LOXHD1: variants seen among roughly 807,000 people sequenced by gnomAD.
LOXHD1 encodes the protein lipoxygenase homology PLAT domains 1, also known as lipoxygenase homology domain-containing protein 1.
Under a neutral mutation model 248.2 loss-of-function variants are expected in LOXHD1, and 205 were observed. That is an observed-to-expected ratio of 0.83 (90% CI 0.74 to 0.93). The LOEUF (loss-of-function observed/expected upper bound fraction) is 0.93, where lower values mean the gene tolerates loss of function less well. Among genes scored for constraint, LOXHD1 ranks in the 40% least tolerant of loss-of-function variants. The pLI, the probability that LOXHD1 is intolerant of heterozygous loss-of-function variation, is 0.00. For missense variants in LOXHD1, 2,930 were observed against 2,971.6 expected (o/e 0.99, Z 0.33); for synonymous variants, 1,113 against 1,162.8 (o/e 0.96, Z 0.87).
intron 14 of LOXHD1, among the ~76,000 whole-genome samples, chr18:46,576,551 G>T (rs1299940677): frequency 6.6e-6 from 1 of 152,124 alleles, no homozygotes; most frequent in Non-Finnish European, 1.5e-5. Flanking sequence ...TCCAGGCCCA[G>T]GTGCACTTCC....
chr18:46,652,518 T>C (rs1298527773), intron 1 of LOXHD1, among the ~76,000 whole-genome samples: 2 of 152,180 alleles, frequency 1.3e-5, no homozygotes, highest in African/African-American at 2.4e-5. Context: ...GACACTGCCA[T>C]GTACCCACCA....
At chr18:46,555,136 T>C (rs746891780) in intron 21 of LOXHD1, 1 of 471,152 alleles carries the variant, frequency 2.1e-6, no homozygotes, top group South Asian at 1.5e-5. Flanking sequence ...CTGATGGAGC[T>C]GCAAGGGGAA....
intron 19 of LOXHD1, 35 bp downstream of exon 19, chr18:46,560,048 T>TCCCGGCCCCC: frequency 1.6e-4 from 192 of 1,226,252 alleles, no homozygotes; most frequent in Middle Eastern, 4.2e-4. Flanking sequence ...GTCTGGCCAC[T>TCCCGGCCCCC]CCCTCCCCAC....
chr18:46,630,134 G>A (rs1730968094), intron 4 of LOXHD1, among the ~76,000 whole-genome samples: 1 of 152,200 alleles, frequency 6.6e-6, no homozygotes, highest in Non-Finnish European at 1.5e-5. Flanking sequence ...CTGAATGCAA[G>A]GGGCCTCTCT....
At chr18:46,618,901 A>G (rs1409814651) in intron 4 of LOXHD1, among the ~76,000 whole-genome samples, 1 of 152,212 alleles carries the variant, frequency 6.6e-6, no homozygotes, top group Non-Finnish European at 1.5e-5. Context: ...AAAGACCTGT[A>G]TCTGCTTCCT....
intron 14 of LOXHD1, among the ~76,000 whole-genome samples, chr18:46,572,916 G>A (rs935944607): frequency 1.5e-4 from 22 of 150,732 alleles, no homozygotes; most frequent in African/African-American, 3.6e-4. Context: ...CCAGCTACTC[G>A]GGAGGCTGAG....
intron 14 of LOXHD1, among the ~76,000 whole-genome samples, chr18:46,577,393 G>A (rs1398527917): frequency 6.6e-6 from 1 of 152,164 alleles, no homozygotes; most frequent in Non-Finnish European, 1.5e-5. Context: ...CTAACTCTCT[G>A]AACTAACTTT....
chr18:46,565,966 C>T (rs2037631357), intron 17 of LOXHD1, among the ~76,000 whole-genome samples: 1 of 152,186 alleles, frequency 6.6e-6, no homozygotes, highest in African/African-American at 2.4e-5. Flanking sequence ...AGGTCTCAAA[C>T]TCCTATACAG....
chr18:46,577,673 C>A, intron 14 of LOXHD1, 34 bp downstream of exon 14: 1 of 1,542,066 alleles, frequency 6.5e-7, no homozygotes. Flanking sequence ...ATAACCTAAG[C>A]TGGAGAAAAC....
intron 6 of LOXHD1, among the ~76,000 whole-genome samples, chr18:46,606,646 C>T (rs1480259108): frequency 6.6e-6 from 1 of 152,024 alleles, no homozygotes; most frequent in Non-Finnish European, 1.5e-5. Flanking sequence ...TGCAAATATT[C>T]CAAATTCAAA....
chr18:46,490,126 T>C (rs1052530269), intron 37 of LOXHD1, among the ~76,000 whole-genome samples: 6 of 152,194 alleles, frequency 3.9e-5, no homozygotes, highest in Non-Finnish European at 5.9e-5. Context: ...CTCTCTTCTC[T>C]TCAAAGTCCT....
Position 46,594,441 on chromosome 18 carries a change from C to T in LOXHD1, c.1160G>A (p.Gly387Asp). ...EKVVILCPFT[G>D]IQQTFPCSNW... ...GCTACAAGGGAAGGTCTGCTGGATA[C>T]CAGTGAAGGGGCACAGAATCACCAC... The change falls in exon 9 of 41, where the codon GGT (glycine) becomes GAT (aspartate). Residue 387 changes from glycine (G) to aspartate (D), a missense_variant. By Grantham distance (94) the Gly-to-Asp change is moderately conservative (BLOSUM62 -1). Transcript: ENST00000642948. 1 of 1,551,518 alleles carries T rather than the reference C, an allele frequency of 6.4e-7. No homozygotes were observed.
At chr18:46,532,081 C>T (rs2036096537) in intron 28 of LOXHD1, among the ~76,000 whole-genome samples, 2 of 152,136 alleles carry the variant, frequency 1.3e-5, no homozygotes, top group Non-Finnish European at 2.9e-5. Context: ...TTCCTGTCTC[C>T]ATAAGGGGCC....
chr18:46,575,713 G>C (rs1248909586), intron 14 of LOXHD1, among the ~76,000 whole-genome samples: 1 of 152,030 alleles, frequency 6.6e-6, no homozygotes, highest in African/African-American at 2.4e-5. Flanking sequence ...TGGACTTCTG[G>C]CCTCCGAAAC....
intron 33 of LOXHD1, chr18:46,520,849 C>G (rs2035541002): frequency 2.0e-6 from 1 of 493,196 alleles, no homozygotes; most frequent in Non-Finnish European, 3.6e-6. Context: ...TATTTCTAAG[C>G]AGTGTATGGG....
At position 46,610,996 on chromosome 18, in the gene LOXHD1, G is replaced by A. The variant is rs543884512; in HGVS notation, c.611-72C>T. 55 of 1,512,498 alleles carry A rather than the reference G, an allele frequency of 3.6e-5. No individual in the cohort carries two copies. The Middle Eastern group carries it at 5.1e-4, about 14-fold the overall frequency. 93.7% of individuals were successfully genotyped at this position (1,512,498 alleles called of 1,614,324 possible). On this transcript the variant is annotated intron_variant, in intron 5 of 40. Transcript: ENST00000642948. ...AAGAATTTCCAAGCCTTCATGGTCC[G>A]CCCACTGAAAGATGCTCTTCCAAAG... is the stretch of plus-strand genomic sequence containing the variant.
At chr18:46,543,213 G>T (rs898943281) in intron 23 of LOXHD1, among the ~76,000 whole-genome samples, 5 of 152,006 alleles carry the variant, frequency 3.3e-5, no homozygotes, top group Non-Finnish European at 7.4e-5. Context: ...ATATCATTTT[G>T]TATGTTTTTG....
chr18:46,594,681 G>C (rs1649780804), intron 8 of LOXHD1, among the ~76,000 whole-genome samples: 1 of 152,170 alleles, frequency 6.6e-6, no homozygotes, highest in Admixed American at 6.5e-5. Flanking sequence ...CTTCCAATTA[G>C]CTATTCAAAT....
chr18:46,520,120 G>C (rs142323946), intron 33 of LOXHD1, among the ~76,000 whole-genome samples: 61 of 152,270 alleles, frequency 4.0e-4, no homozygotes, highest in African/African-American at 1.5e-3. Flanking sequence ...GGAGATGTCT[G>C]GGGGGTAGGG....
Sources: allele counts gnomAD v4.1 joint callset (sites outside exome capture counted in the v4.1 genomes callset), GRCh38; gene constraint gnomAD v4.1.1; transcripts MANE v1.5; gene names NCBI Gene and HGNC (gene_info 2026-07-23, HGNC 2026-07-21).